Variants in TXNDC11 observed in about 807,000 individuals in gnomAD.
The protein encoded by TXNDC11 is thioredoxin domain-containing protein 11.
TXNDC11 carries 68 observed loss-of-function variants against 78.0 expected under a neutral mutation model. That is an observed-to-expected ratio of 0.87 (90% CI 0.72 to 1.07). The LOEUF is 1.07. TXNDC11 is among the 50% of genes least tolerant of loss of function. The pLI is 0.00. For missense variants in TXNDC11, 1,389 were observed against 1,221.8 expected (o/e 1.14, Z -2.04); for synonymous variants, 571 against 495.2 (o/e 1.15, Z -2.03).
intron 7 of TXNDC11, among the ~76,000 whole-genome samples, chr16:11,697,683 T>C (rs940940920): frequency 6.6e-6 from 1 of 152,216 alleles, no homozygotes; most frequent in African/African-American, 2.4e-5. Context: ...CGCTCTCCTC[T>C]GCTGTCCTGA....
rs1198004082 is a variant in TXNDC11 at position 11,691,656 on chromosome 16, T to C, written c.1534A>G (p.Ile512Val). ...ATGAAGCCTGACACACCCCTGCTTATGGTCCTGCAACATGCAGTGTAGTAG... is the reference window on the plus strand; with the variant it reads ...ATGAAGCCTGACACACCCCTGCTTACGGTCCTGCAACATGCAGTGTAGTAG... The part of the protein sequence containing the change: ...FSYYTACCRT[I>V]SRGVSGFIDS... Residue 512 changes from isoleucine to valine, a missense_variant, in exon 8 of 12, where the codon ATA (isoleucine) becomes GTA (valine). By Grantham distance (29) the Ile-to-Val change is conservative. Transcript: ENST00000283033. 2.5e-6 allele frequency: 4 copies of C among 1,614,084 alleles called. No individual in the cohort carries two copies. The East Asian group carries it at 6.7e-5, about 27-fold the overall frequency.
chr16:11,717,472 C>CA, intron 5 of TXNDC11, among the ~76,000 whole-genome samples: 1 of 130,204 alleles, frequency 7.7e-6, no homozygotes, highest in East Asian at 2.3e-4. Flanking sequence ...AGAGATTTAA[C>CA]TTTTTTTTAA....
intron 5 of TXNDC11, among the ~76,000 whole-genome samples, chr16:11,709,842 C>T (rs2051291791): frequency 6.6e-6 from 1 of 152,188 alleles, no homozygotes; most frequent in South Asian, 2.1e-4. Flanking sequence ...CGCATTGTTA[C>T]ATATACTTAA....
In TXNDC11 at chr16:11,736,089, A is replaced by C. The variant is rs2052212089; in HGVS notation, c.399T>G (p.Tyr133Ter). 6.4e-5 allele frequency: 104 copies of C among 1,614,206 alleles called. No homozygotes were observed. The highest frequency in any genetic ancestry group is 8.7e-5 in the Non-Finnish European group (103 of 1,180,034). ...CGATGGACTGTCCACACCAAGGGGCATAGAAGAAGAGCAGTACCACCTCTG... is the reference window on the plus strand; with the variant it reads ...CGATGGACTGTCCACACCAAGGGGCCTAGAAGAAGAGCAGTACCACCTCTG... ...RDSEVVLLFF[Y>*]APWCGQSIAA... Residue 133 changes from tyrosine to a stop codon, truncating the protein, a stop_gained, in exon 2 of 12, where the codon TAT becomes TAG. Coordinates refer to ENST00000283033, the MANE Select transcript of TXNDC11 (RefSeq NM_015914.7). LOFTEE classifies it high-confidence loss of function.
chr16:11,726,748 T>C (rs557445303), intron 4 of TXNDC11, among the ~76,000 whole-genome samples: 2 of 152,256 alleles, frequency 1.3e-5, no homozygotes, highest in African/African-American at 2.4e-5. Flanking sequence ...TAGAGTTCCA[T>C]ATACATATAA....
chr16:11,697,926 G>A (rs2050901938), intron 7 of TXNDC11, among the ~76,000 whole-genome samples, 199 bp downstream of exon 7: 3 of 152,236 alleles, frequency 2.0e-5, no homozygotes, highest in Admixed American at 2.0e-4. Context: ...TATGGCCAGA[G>A]AGGCTGCGGC....
At chr16:11,688,874 T>C (rs2050636450) in intron 8 of TXNDC11, among the ~76,000 whole-genome samples, 1 of 152,228 alleles carries the variant, frequency 6.6e-6, no homozygotes, top group African/African-American at 2.4e-5. Context: ...TAAATGCTCA[T>C]TAATTTGAGG....
intron 7 of TXNDC11, among the ~76,000 whole-genome samples, chr16:11,695,545 C>T (rs1195213475): frequency 1.3e-5 from 2 of 152,170 alleles, no homozygotes. Context: ...TTCATCCTTC[C>T]CACCTTACCC....
intron 8 of TXNDC11, chr16:11,689,906 G>A (rs2141983952): frequency 6.6e-6 from 1 of 152,286 alleles, no homozygotes; most frequent in African/African-American, 2.4e-5. Context: ...TTCAAAAAGT[G>A]ACTGGTCACA....
chr16:11,691,171 A>G (rs2050702705), intron 8 of TXNDC11, 119 bp downstream of exon 8: 2 of 827,410 alleles, frequency 2.4e-6, no homozygotes, highest in East Asian at 5.0e-5. Flanking sequence ...AAGACTTAAA[A>G]TGAGCTACGA....
chr16:11,716,629 G>A (rs1339294635), intron 5 of TXNDC11, among the ~76,000 whole-genome samples: 3 of 152,258 alleles, frequency 2.0e-5, no homozygotes, highest in African/African-American at 7.2e-5. Flanking sequence ...AGGAAGTTTT[G>A]AATAAATGAA....
At chr16:11,703,651 C>G in intron 5 of TXNDC11, 1 of 702,250 alleles carries the variant, frequency 1.4e-6, no homozygotes, top group South Asian at 1.5e-5. Flanking sequence ...TAATGACATC[C>G]TAATACCAAA....
At chr16:11,740,379 C>T (rs1448524553) in intron 1 of TXNDC11, among the ~76,000 whole-genome samples, 1 of 152,186 alleles carries the variant, frequency 6.6e-6, no homozygotes, top group African/African-American at 2.4e-5. Context: ...CAGCCATTTA[C>T]TGGTTCATTC....
At chr16:11,709,687 G>A (rs1046439683) in intron 5 of TXNDC11, among the ~76,000 whole-genome samples, 10 of 151,832 alleles carry the variant, frequency 6.6e-5, no homozygotes, top group African/African-American at 2.2e-4. Flanking sequence ...CGCCCGCCTC[G>A]GCCTCCCAAA....
chr16:11,698,115 C>T lies in TXNDC11; in HGVS notation c.1107+10G>A. ...TCCTCATGAGGTGCTTTTCACATCACAGCTCTTACCTCGTCTATTAAAGGA... is the reference window on the plus strand; with the variant it reads ...TCCTCATGAGGTGCTTTTCACATCATAGCTCTTACCTCGTCTATTAAAGGA... On this transcript the variant is annotated intron_variant, in intron 7 of 11. Transcript: ENST00000283033. 3 of 1,614,070 alleles carry T rather than the reference C, an allele frequency of 1.9e-6. No homozygotes were observed. Among genetic ancestry groups the T allele is most frequent in the South Asian group, 2.2e-5 (2 of 91,078 alleles).
At chr16:11,689,246 A>G (rs577499884) in intron 8 of TXNDC11, among the ~76,000 whole-genome samples, 1 of 152,130 alleles carries the variant, frequency 6.6e-6, no homozygotes, top group Non-Finnish European at 1.5e-5. Flanking sequence ...CCACCATTGC[A>G]CTCAGCTAAA....
At chr16:11,723,337 C>A (rs1339529659) in intron 4 of TXNDC11, among the ~76,000 whole-genome samples, 1 of 151,876 alleles carries the variant, frequency 6.6e-6, no homozygotes, top group African/African-American at 2.4e-5. Context: ...GTAATCCCAG[C>A]ACTTTGGGAG....
At chr16:11,741,706 C>A (rs900975526) in intron 1 of TXNDC11, among the ~76,000 whole-genome samples, 1 of 152,176 alleles carries the variant, frequency 6.6e-6, no homozygotes, top group African/African-American at 2.4e-5. Flanking sequence ...TTCACCCGGA[C>A]GAGCGTCCGG....
chr16:11,706,829 A>G (rs77730974), intron 5 of TXNDC11, among the ~76,000 whole-genome samples: 2,344 of 152,296 alleles, frequency 0.015, 29 homozygotes, highest in Non-Finnish European at 0.018. Flanking sequence ...GGTTTTGGAC[A>G]ACGTTTTAAT....
Sources: allele counts gnomAD v4.1 joint callset (sites outside exome capture counted in the v4.1 genomes callset), GRCh38; gene constraint gnomAD v4.1.1; transcripts MANE v1.5; gene names NCBI Gene and HGNC (gene_info 2026-07-23, HGNC 2026-07-21).